The following ZEB1 variants were observed in gnomAD, a reference collection of about 807,000 sequenced individuals.
ZEB1 encodes the protein zinc finger E-box binding homeobox 1, also known as zinc finger E-box-binding homeobox 1.
In ZEB1, 21 loss-of-function variants were observed where a neutral mutation model predicts 84.9. The ratio of observed to expected loss-of-function variants is 0.25; its 90% CI spans 0.18 to 0.36. The LOEUF (loss-of-function observed/expected upper bound fraction) is 0.36, where lower values mean the gene tolerates loss of function less well. Among genes scored for constraint, ZEB1 ranks in the 10% least tolerant of loss-of-function variants. The pLI, the probability that ZEB1 is intolerant of heterozygous loss-of-function variation, is 1.00. For missense variants in ZEB1, 1,104 were observed against 1,330.2 expected (o/e 0.83, Z 2.65); for synonymous variants, 420 against 471.1 (o/e 0.89, Z 1.41).
At chr10:31,376,461 G>C (rs556021207) in intron 1 of ZEB1, among the ~76,000 whole-genome samples, 1 of 151,850 alleles carries the variant, frequency 6.6e-6, no homozygotes, top group African/African-American at 2.4e-5. Context: ...GCAGGTTTCT[G>C]AGATACCAAG....
Position 31,409,448 on chromosome 10 carries a change from G to T in ZEB1, c.59-51589G>T, listed in dbSNP as rs1484898705. Among the ~76,000 whole-genome samples, 6 of 152,172 alleles carry T rather than the reference G, an allele frequency of 3.9e-5. No homozygotes were observed. The South Asian group carries it at 6.2e-4, about 16-fold the overall frequency. ...ATAGTTTGAAGTCAGGTAGCATGAT[G>T]CCTTCAGCTTTGTTCTTTTGGCTTA... is the stretch of plus-strand genomic sequence containing the variant. On this transcript the variant is annotated intron_variant, in intron 1 of 8. Coordinates refer to ENST00000424869, the MANE Select transcript of ZEB1 (RefSeq NM_001174096.2).
chr10:31,321,808 A>G lies in ZEB1; in HGVS notation c.58+2516A>G, dbSNP rs2370486. 3,013 of 495,626 alleles carry G rather than the reference A, an allele frequency of 6.1e-3. 59 individuals are homozygous for G. The highest frequency in any genetic ancestry group is 0.052 in the African/African-American group (2,696 of 51,998). 30.7% of individuals were successfully genotyped at this position (495,626 alleles called of 1,614,324 possible). A position where few individuals can be genotyped will look rare whatever the true frequency, so the allele number is the denominator to read the frequency against. On this transcript the variant is annotated intron_variant, in intron 1 of 8. Coordinates refer to ENST00000424869, the MANE Select transcript of ZEB1 (RefSeq NM_001174096.2). ...CTGAAAGATACTTGAAATCAACAGG[A>G]AAGAGAGGTTCTTGATCGCTGCAGC...
At chr10:31,443,992 T>C (rs368997705) in intron 1 of ZEB1, among the ~76,000 whole-genome samples, 2 of 149,794 alleles carry the variant, frequency 1.3e-5, no homozygotes, top group Non-Finnish European at 3.0e-5. Context: ...CGCCACACTG[T>C]CTTCCACAAT....
At chr10:31,324,850 G>A (rs954805702) in intron 1 of ZEB1, among the ~76,000 whole-genome samples, 1 of 151,964 alleles carries the variant, frequency 6.6e-6, no homozygotes, top group Non-Finnish European at 1.5e-5. Context: ...AACTAGATAT[G>A]AACTAAAAGT....
chr10:31,321,744 A>G, intron 1 of ZEB1: 1 of 656,468 alleles, frequency 1.5e-6, no homozygotes, highest in Non-Finnish European at 2.7e-6. Flanking sequence ...TACACTCGTA[A>G]GGCATATCAA....
chr10:31,416,634 G>T (rs1174822307), intron 1 of ZEB1, among the ~76,000 whole-genome samples: 1 of 152,002 alleles, frequency 6.6e-6, no homozygotes, highest in African/African-American at 2.4e-5. Flanking sequence ...TTTGACTAAA[G>T]ATATCAAAGT....
chr10:31,421,609 A>C (rs1025393516), intron 1 of ZEB1, among the ~76,000 whole-genome samples: 1 of 151,914 alleles, frequency 6.6e-6, no homozygotes, highest in African/African-American at 2.4e-5. Context: ...GTTAAAACCC[A>C]GCTTAGGAAA....
intron 1 of ZEB1, among the ~76,000 whole-genome samples, chr10:31,362,258 G>C (rs748162372): frequency 6.7e-6 from 1 of 148,936 alleles, no homozygotes; most frequent in Non-Finnish European, 1.5e-5. Flanking sequence ...AGGCAGAGGC[G>C]GCGCTCCTCC....
chr10:31,478,476 A>G (rs1056717652), intron 2 of ZEB1, among the ~76,000 whole-genome samples: 1 of 152,042 alleles, frequency 6.6e-6, no homozygotes, highest in Non-Finnish European at 1.5e-5. Flanking sequence ...TGGAATTACC[A>G]TTCAATTCAG....
chr10:31,526,954 C>T lies in ZEB1; in HGVS notation c.3068C>T (p.Ser1023Leu), dbSNP rs2073567075. The T allele has an allele frequency of 1.2e-6, 2 of 1,613,024 alleles. No homozygotes were observed. The highest frequency in any genetic ancestry group is 8.5e-7 in the Non-Finnish European group (1 of 1,179,806). Residue 1023 changes from serine to leucine, a missense_variant, in exon 9 of 9, where the codon TCG becomes TTG. Coordinates refer to ENST00000424869, the MANE Select transcript of ZEB1 (RefSeq NM_001174096.2). Reference protein sequence around the residue: ...GARASPSQGDSDERESLTREE... With the variant: ...GARASPSQGDLDERESLTREE... Reference sequence around the variant, plus strand: ...AGGGCGTCTCCCTCACAGGGCGACTCGGACGAGAGAGAGAGTTTGACAAGG... The same window carrying T: ...AGGGCGTCTCCCTCACAGGGCGACTTGGACGAGAGAGAGAGTTTGACAAGG...
At chr10:31,323,519 T>C (rs915774464) in intron 1 of ZEB1, among the ~76,000 whole-genome samples, 3 of 152,104 alleles carry the variant, frequency 2.0e-5, no homozygotes, top group Non-Finnish European at 2.9e-5. Flanking sequence ...TTCCTACTGG[T>C]AGCCCTCCCC....
chr10:31,328,827 A>T (rs1385067006), intron 1 of ZEB1, among the ~76,000 whole-genome samples: 1 of 152,148 alleles, frequency 6.6e-6, no homozygotes, highest in Admixed American at 6.5e-5. Context: ...CTCAAGTCCA[A>T]GGAATAAAAG....
At chr10:31,491,109 C>T (rs778489392) in intron 2 of ZEB1, among the ~76,000 whole-genome samples, 4 of 151,766 alleles carry the variant, frequency 2.6e-5, no homozygotes, top group Non-Finnish European at 4.4e-5. Context: ...TATGAGGTCA[C>T]TTTCCTGAGC....
intron 1 of ZEB1, among the ~76,000 whole-genome samples, chr10:31,399,012 A>C (rs1431876442): frequency 8.4e-6 from 1 of 119,028 alleles, no homozygotes; most frequent in Non-Finnish European, 1.7e-5. Context: ...TTTTTTTGAT[A>C]TGGAGTTTTG....
At chr10:31,470,069 C>T (rs1157378090) in intron 2 of ZEB1, among the ~76,000 whole-genome samples, 2 of 151,636 alleles carry the variant, frequency 1.3e-5, no homozygotes, top group Non-Finnish European at 3.0e-5. Context: ...CTGTACATCA[C>T]CATCATCAAA....
intron 1 of ZEB1, among the ~76,000 whole-genome samples, chr10:31,331,437 G>A (rs536056131): frequency 6.6e-6 from 1 of 152,240 alleles, no homozygotes; most frequent in South Asian, 2.1e-4. Flanking sequence ...CTCTGAAATT[G>A]AGAAAATAAT....
chr10:31,359,088 T>G (rs895857432), intron 1 of ZEB1, among the ~76,000 whole-genome samples: 6 of 152,184 alleles, frequency 3.9e-5, no homozygotes, highest in African/African-American at 1.4e-4. Flanking sequence ...TTATTTAGAA[T>G]TGTTACTATA....
chr10:31,371,457 G>C (rs1275631111), intron 1 of ZEB1, among the ~76,000 whole-genome samples: 1 of 152,142 alleles, frequency 6.6e-6, no homozygotes, highest in African/African-American at 2.4e-5. Context: ...ATCACAGTTT[G>C]CTTTGTGGGT....
intron 2 of ZEB1, among the ~76,000 whole-genome samples, chr10:31,482,048 A>G (rs765345006): frequency 1.2e-4 from 18 of 152,218 alleles, no homozygotes; most frequent in Middle Eastern, 3.4e-3. Flanking sequence ...TTCCCAGAAG[A>G]TAATTAATAA....
Sources: allele counts gnomAD v4.1 joint callset (sites outside exome capture counted in the v4.1 genomes callset), GRCh38; gene constraint gnomAD v4.1.1; transcripts MANE v1.5; gene names NCBI Gene and HGNC (gene_info 2026-07-23, HGNC 2026-07-21).